The following SCN8A variants were observed in gnomAD, a reference collection of about 807,000 sequenced individuals.
SCN8A encodes sodium voltage-gated channel alpha subunit 8, also known as sodium channel protein type 8 subunit alpha.
In SCN8A, 30 loss-of-function variants were observed where a neutral mutation model predicts 184.1. The observed-to-expected ratio is 0.16, with a 90% CI of 0.12 to 0.22. SCN8A has a LOEUF of 0.22. SCN8A is among the 10% of genes least tolerant of loss of function. The pLI is 1.00. For synonymous variants in SCN8A, 852 were observed against 907.0 expected, an observed-to-expected ratio of 0.94 and a Z score of 1.09; for missense variants, 1,057 against 2,498.9, an observed-to-expected ratio of 0.42 and a Z score of 12.30.
chr12:51,762,360 A>G, intron 14 of SCN8A, 143 bp from the exon 15 acceptor site: 1 of 756,918 alleles, frequency 1.3e-6, no homozygotes, highest in South Asian at 1.9e-5. Flanking sequence ...CTCATGAGAC[A>G]TCCAGGTATT....
In SCN8A at chr12:51,678,863, G is replaced by A. The variant is rs185467485; in HGVS notation, c.277-5311G>A. Among the ~76,000 whole-genome samples the A allele has an allele frequency of 9.6e-3, 1,449 of 151,692 alleles. 19 individuals are homozygous for A. The highest frequency in any genetic ancestry group is 0.032 in the African/African-American group (1,311 of 41,370). ...GAGGCTGAGGCAGGTGGATCACGAG[G>A]TCAGGAGATCGAGACCATCCTGGCT... On this transcript the variant is annotated intron_variant, in intron 2 of 26. Transcript: ENST00000627620.
chr12:51,624,482 G>T (rs1940032469), intron 1 of SCN8A, among the ~76,000 whole-genome samples: 1 of 151,794 alleles, frequency 6.6e-6, no homozygotes, highest in African/African-American at 2.4e-5. Context: ...TTGTAAATTT[G>T]TTTGAGTTCA....
intron 1 of SCN8A, among the ~76,000 whole-genome samples, chr12:51,634,003 G>A (rs1940258218): frequency 1.3e-5 from 2 of 152,184 alleles, no homozygotes; most frequent in South Asian, 4.1e-4. Context: ...ATCTGGACAA[G>A]AATGATGATG....
chr12:51,732,136 T>C (rs1942253615), intron 12 of SCN8A, among the ~76,000 whole-genome samples: 1 of 152,160 alleles, frequency 6.6e-6, no homozygotes. Flanking sequence ...ATTCAAGAAA[T>C]TTTTACCCAG....
intron 11 of SCN8A, chr12:51,712,935 C>G: frequency 1.9e-6 from 3 of 1,592,774 alleles, no homozygotes; most frequent in Non-Finnish European, 2.6e-6. Flanking sequence ...CTCCGCAACC[C>G]ATAAAATTGC....
intron 8 of SCN8A, 48 bp from the exon 9 acceptor site, chr12:51,702,725 T>A: frequency 6.9e-7 from 1 of 1,455,482 alleles, no homozygotes; most frequent in Non-Finnish European, 9.2e-7. Flanking sequence ...AGGTCATGGC[T>A]GGGTGGAATT....
intron 2 of SCN8A, among the ~76,000 whole-genome samples, chr12:51,680,636 T>C (rs1416043657): frequency 1.3e-5 from 2 of 152,226 alleles, no homozygotes; most frequent in African/African-American, 2.4e-5. Context: ...CCCTCCATGC[T>C]ACCTCTAGAC....
At chr12:51,794,295 C>A in intron 25 of SCN8A, 76 bp from the exon 26 acceptor site, 2 of 1,443,742 alleles carry the variant, frequency 1.4e-6, no homozygotes, top group South Asian at 1.3e-5. Flanking sequence ...CCTCGATTAG[C>A]AGGGTGACAG....
intron 12 of SCN8A, among the ~76,000 whole-genome samples, chr12:51,725,155 A>G (rs1352886829): frequency 6.6e-6 from 1 of 152,230 alleles, no homozygotes; most frequent in Non-Finnish European, 1.5e-5. Context: ...ATAACTAGGA[A>G]AAACTATTTT....
At chr12:51,789,214 A>C in intron 23 of SCN8A, 67 bp from the exon 24 acceptor site, 1 of 1,565,710 alleles carries the variant, frequency 6.4e-7, no homozygotes, top group Non-Finnish European at 8.7e-7. Context: ...GTTACGGCTG[A>C]TGGCCTTGGC....
chr12:51,600,837 T>A (rs1939448056), intron 1 of SCN8A, among the ~76,000 whole-genome samples: 1 of 152,226 alleles, frequency 6.6e-6, no homozygotes, highest in Non-Finnish European at 1.5e-5. Flanking sequence ...AAAATTATAT[T>A]TCTTCTCACC....
At chr12:51,701,433 A>G (rs1280800868) in intron 8 of SCN8A, among the ~76,000 whole-genome samples, 1 of 152,224 alleles carries the variant, frequency 6.6e-6, no homozygotes, top group Non-Finnish European at 1.5e-5. Context: ...CCAAAATGAA[A>G]GAATCCAAGG....
intron 2 of SCN8A, among the ~76,000 whole-genome samples, chr12:51,667,819 T>C (rs1238388787): frequency 3.9e-5 from 6 of 152,280 alleles, no homozygotes; most frequent in African/African-American, 1.4e-4. Flanking sequence ...GTTACAATCA[T>C]ATAAACAAAA....
At chr12:51,613,471 A>G (rs767004809) in intron 1 of SCN8A, among the ~76,000 whole-genome samples, 21 of 152,064 alleles carry the variant, frequency 1.4e-4, no homozygotes, top group Non-Finnish European at 2.6e-4. Context: ...TATTCCTGAT[A>G]TTGATAGTTT....
chr12:51,799,932 A>G (rs371221933), intron 26 of SCN8A, among the ~76,000 whole-genome samples: 1 of 152,164 alleles, frequency 6.6e-6, no homozygotes, highest in Non-Finnish European at 1.5e-5. Flanking sequence ...TTTATTTCCC[A>G]TCCCCTGGCA....
chr12:51,744,825 G>A (rs1942484490), intron 12 of SCN8A, among the ~76,000 whole-genome samples: 1 of 152,138 alleles, frequency 6.6e-6, no homozygotes, highest in Non-Finnish European at 1.5e-5. Flanking sequence ...GCTTTTTGAT[G>A]TAGCTCTCCA....
At position 51,684,413 on chromosome 12, in the gene SCN8A, C is replaced by T. The variant is rs115722036; in HGVS notation, c.395+121C>T. On this transcript the variant is annotated intron_variant, in intron 3 of 26. Coordinates refer to ENST00000627620, the MANE Select transcript of SCN8A (RefSeq NM_001330260.2). ...TTACTGATAGTGTAGTTAACTAGCC[C>T]ATCAGTCAGAGGTTTAAGAGTGAAC... 1,274 of 692,094 alleles carry T rather than the reference C, an allele frequency of 1.8e-3. 12 individuals are homozygous for T. In the African/African-American group the frequency reaches 0.02, roughly 11 times the overall value. 42.9% of individuals were successfully genotyped at this position (692,094 alleles called of 1,614,324 possible).
chr12:51,721,122 T>TATATATATA (rs1942052059), intron 11 of SCN8A, among the ~76,000 whole-genome samples: 1 of 106,114 alleles, frequency 9.4e-6, no homozygotes, highest in African/African-American at 4.1e-5. Context: ...TTATTTATTG[T>TATATATATA]TATATATATA....
At position 51,785,491 on chromosome 12, in the gene SCN8A, G is replaced by A. The variant is rs562569568; in HGVS notation, c.3943-1051G>A. On this transcript the variant is annotated intron_variant, in intron 21 of 26. Coordinates refer to ENST00000627620, the MANE Select transcript of SCN8A (RefSeq NM_001330260.2). ...TGCATTTTTTACACAAGATAGAACA[G>A]GTAGCTCTGATCAGCCACATGTCCT... Among the ~76,000 whole-genome samples the A allele has an allele frequency of 2.6e-5, 4 of 152,298 alleles. No homozygotes were observed. In the East Asian group the frequency reaches 5.8e-4, roughly 22 times the overall value.
Sources: gnomAD v4.1 joint callset for allele counts (sites outside exome capture counted in the v4.1 genomes callset) on GRCh38, gnomAD v4.1.1 for gene constraint, MANE v1.5 for transcripts, NCBI Gene and HGNC (gene_info 2026-07-23, HGNC 2026-07-21) for gene names.